The following WBP1L variants were observed in gnomAD, a reference collection of about 807,000 sequenced individuals.
WBP1L encodes the protein WW domain binding protein 1-like.
A neutral mutation model predicts 33.7 loss-of-function variants in WBP1L; 17 were observed. That is an observed-to-expected ratio of 0.50 (90% CI 0.34 to 0.76). The LOEUF is 0.76. Among genes scored for constraint, WBP1L ranks in the 30% least tolerant of loss-of-function variants. The pLI is 0.01. For synonymous variants in WBP1L, 173 were observed against 190.8 expected, an observed-to-expected ratio of 0.91 and a Z score of 0.77; for missense variants, 389 against 469.4, an observed-to-expected ratio of 0.83 and a Z score of 1.58.
At chr10:102,808,476 GAAGTA>G (rs1843773157) in intron 2 of WBP1L, among the ~76,000 whole-genome samples, 1 of 152,216 alleles carries the variant, frequency 6.6e-6, no homozygotes, top group Non-Finnish European at 1.5e-5. Flanking sequence ...AGCACAGAGG[GAAGTA>G]AAGAGCTGTG....
intron 3 of WBP1L, among the ~76,000 whole-genome samples, chr10:102,810,476 T>G (rs1236860158): frequency 2.1e-5 from 1 of 46,774 alleles, no homozygotes; most frequent in African/African-American, 6.5e-5. Context: ...CTTCCTTCCC[T>G]CCTTCCTTCC....
chr10:102,776,241 G>C (rs1843260157), intron 1 of WBP1L: 1 of 1,565,120 alleles, frequency 6.4e-7, no homozygotes, highest in African/African-American at 1.4e-5. Context: ...CTCGGTCCCA[G>C]GACTCTGTTT....
intron 1 of WBP1L, among the ~76,000 whole-genome samples, chr10:102,746,396 C>G (rs949098701): frequency 6.6e-6 from 1 of 152,066 alleles, no homozygotes; most frequent in African/African-American, 2.4e-5. Context: ...AGCAGTGGCC[C>G]TCTTCCTAAC....
At position 102,815,415 on chromosome 10, in the gene WBP1L, C is replaced by T. The variant is rs1471547674; in HGVS notation, c.*2084C>T. The T allele has an allele frequency of 6.6e-6, 1 of 152,646 alleles. No individual in the cohort carries two copies. Among genetic ancestry groups the T allele is most frequent in the Non-Finnish European group, 1.5e-5 (1 of 68,070 alleles). 9.5% of individuals were successfully genotyped at this position (152,646 alleles called of 1,614,324 possible). ...CAGCGCCCGGGGGTGTCCACAACCA[C>T]TTGGGACAGAAGAAGGTGGAATTTC... On this transcript the variant is annotated 3_prime_UTR_variant, in exon 4 of 4. Transcript: ENST00000448841.
At chr10:102,781,820 C>T (rs952541590) in intron 1 of WBP1L, among the ~76,000 whole-genome samples, 4 of 136,514 alleles carry the variant, frequency 2.9e-5, no homozygotes, top group Admixed American at 9.0e-5. Flanking sequence ...ACTGTCACCA[C>T]AGGTGAGAAA....
chr10:102,807,999 G>T (rs1489279585), intron 2 of WBP1L, among the ~76,000 whole-genome samples: 16 of 151,944 alleles, frequency 1.1e-4, no homozygotes, highest in Admixed American at 6.6e-5. Context: ...TTGAGCCCAG[G>T]GTTCAAGACC....
Position 102,813,798 on chromosome 10 carries a change from A to T in WBP1L, c.*467A>T, listed in dbSNP as rs1395212605. ...TGGCCCTGGATGAAGAAGGAAACCC[A>T]CAGAGGCCCAGGGCTTGTCATTGGG... On this transcript the variant is annotated 3_prime_UTR_variant, in exon 4 of 4. Coordinates refer to ENST00000448841, the MANE Select transcript of WBP1L (RefSeq NM_001083913.2). The T allele has an allele frequency of 6.2e-6, 1 of 160,652 alleles. No individual in the cohort carries two copies. The highest frequency in any genetic ancestry group is 1.4e-5 in the Non-Finnish European group (1 of 73,064). The allele number at this position is 160,652 out of a possible 1,614,324, so 10.0% of individuals were successfully genotyped here.
chr10:102,793,200 G>A (rs1843528335), intron 1 of WBP1L, among the ~76,000 whole-genome samples: 1 of 152,170 alleles, frequency 6.6e-6, no homozygotes, highest in African/African-American at 2.4e-5. Context: ...CAGCACTTTG[G>A]GAGGCCAAGA....
rs757702037 is a variant in WBP1L, at chr10:102,810,017, A to G, written c.318A>G (p.Arg106=). Residue 106 remains arginine, a synonymous_variant, in exon 3 of 4, where the codon CGA becomes CGG. Transcript: ENST00000448841. ...RQHEINLIAY[R]EAHNYSALPF... is the part of the protein sequence containing the mutation. The stretch of plus-strand genomic sequence containing the variant: ...ATGAAATCAACCTGATCGCTTACCG[A>G]GAAGCCCACAATTACTCAGCGCTGC... 6.2e-7 allele frequency: 1 copy of G among 1,613,832 alleles called. No homozygotes were observed. The highest frequency in any genetic ancestry group is 2.2e-5 in the East Asian group (1 of 44,886).
In WBP1L at chr10:102,812,590, T is replaced by C; in HGVS notation, c.356-5T>C. On this transcript the variant is annotated splice_region_variant and splice_polypyrimidine_tract_variant and intron_variant, in intron 3 of 3. Coordinates refer to ENST00000448841, the MANE Select transcript of WBP1L (RefSeq NM_001083913.2). Reference sequence around the variant, plus strand: ...TAATTTCTCCTTCCTACCTCCCCATTTTAGGGTTTTTGCCAAACTATTTAC... The same window carrying C: ...TAATTTCTCCTTCCTACCTCCCCATCTTAGGGTTTTTGCCAAACTATTTAC... The C allele has an allele frequency of 6.4e-7, 1 of 1,564,764 alleles. No individual in the cohort carries two copies. Among genetic ancestry groups the C allele is most frequent in the Non-Finnish European group, 8.7e-7 (1 of 1,152,144 alleles).
intron 1 of WBP1L, among the ~76,000 whole-genome samples, chr10:102,778,060 T>C (rs1437266296): frequency 6.6e-6 from 1 of 152,078 alleles, no homozygotes; most frequent in African/African-American, 2.4e-5. Context: ...TTCCCTGAGG[T>C]CTTGGGCAGG....
rs553464807 is a variant in WBP1L, at chr10:102,815,189, C to T, written c.*1858C>T. On this transcript the variant is annotated 3_prime_UTR_variant, in exon 4 of 4. Transcript: ENST00000448841. Reference sequence around the variant, plus strand: ...CCGAACAAATGTCTGACTGTGTACTCGGGTGTACTCCGCAGCATTGTCGAC... The same window carrying T: ...CCGAACAAATGTCTGACTGTGTACTTGGGTGTACTCCGCAGCATTGTCGAC... 6.6e-6 allele frequency: 1 copy of T among 152,588 alleles called. No individual in the cohort carries two copies. Among genetic ancestry groups the T allele is most frequent in the South Asian group, 2.1e-4 (1 of 4,832 alleles). The allele number at this position is 152,588 out of a possible 1,614,324, so 9.5% of individuals were successfully genotyped here.
At position 102,776,255 on chromosome 10, in the gene WBP1L, TTGTC is replaced by T; in HGVS notation, c.91-21735_91-21732del. 1.6e-5 allele frequency: 26 copies of T among 1,588,928 alleles called. 1 individual carries two copies. The South Asian group carries it at 2.7e-4, about 17-fold the overall frequency. ...GCTCGGTCCCAGGACTCTGTTTACT[TTGTC>T]TGCTTTGCTAAAGAAGGCCGGTGAA... On this transcript the variant is annotated intron_variant, in intron 1 of 3. Transcript: ENST00000448841.
chr10:102,754,949 C>A (rs1444039248), intron 1 of WBP1L, among the ~76,000 whole-genome samples: 1 of 151,186 alleles, frequency 6.6e-6, no homozygotes, highest in Non-Finnish European at 1.5e-5. Flanking sequence ...CTTTAAAATA[C>A]CTTTCACCTT....
At chr10:102,768,069 T>TTTTAG (rs1240648020) in intron 1 of WBP1L, among the ~76,000 whole-genome samples, 1 of 152,166 alleles carries the variant, frequency 6.6e-6, no homozygotes, top group Non-Finnish European at 1.5e-5. Context: ...CTTTGGGGTT[T>TTTTAG]TTTAGTTTGT....
At chr10:102,812,478 C>A in intron 3 of WBP1L, 117 bp from the exon 4 acceptor site, 2 of 1,234,948 alleles carry the variant, frequency 1.6e-6, no homozygotes, top group Non-Finnish European at 2.2e-6. Context: ...CTGTAGCCAT[C>A]ACTTGTTGGG....
At position 102,744,115 on chromosome 10, in the gene WBP1L, C is replaced by G. The variant is rs545643421; in HGVS notation, c.62C>G (p.Pro21Arg). The G allele has an allele frequency of 9.7e-6, 15 of 1,552,888 alleles. No homozygotes were observed. Among genetic ancestry groups the G allele is most frequent in the Non-Finnish European group, 1.3e-5 (15 of 1,148,132 alleles). Residue 21 changes from proline (P) to arginine (R), a missense_variant, in exon 1 of 4, where the codon CCC becomes CGC. By Grantham distance (103) the Pro-to-Arg change is moderately radical. Transcript: ENST00000448841. ...CTGCTCCTCCAGGCGCTGCCCAGCC[C>G]CTTGTCAGCCAGGGCTGAACCCCCG... is the stretch of plus-strand genomic sequence containing the variant. Reference protein sequence around the residue: ...ALLLLQALPSPLSARAEPPQD... With the variant: ...ALLLLQALPSRLSARAEPPQD...
In WBP1L at chr10:102,759,073, T is replaced by C. The variant is rs919827157; in HGVS notation, c.90+14930T>C. Among the ~76,000 whole-genome samples, 11 of 152,324 alleles carry C rather than the reference T, an allele frequency of 7.2e-5. No homozygotes were observed. In the South Asian group the frequency reaches 2.3e-3, roughly 32 times the overall value. Reference sequence around the variant, plus strand: ...GGAGGGGTTTAGGACTCCGGATGACTGTGGGCAGGCCTGGATAATATCCAG... The same window carrying C: ...GGAGGGGTTTAGGACTCCGGATGACCGTGGGCAGGCCTGGATAATATCCAG... On this transcript the variant is annotated intron_variant, in intron 1 of 3. Coordinates refer to ENST00000448841, the MANE Select transcript of WBP1L (RefSeq NM_001083913.2).
At chr10:102,803,404 G>A (rs1372886186) in intron 2 of WBP1L, among the ~76,000 whole-genome samples, 2 of 152,140 alleles carry the variant, frequency 1.3e-5, no homozygotes, top group African/African-American at 4.8e-5. Flanking sequence ...TAGTCATGGG[G>A]CACATGACTC....
Sources: allele counts gnomAD v4.1 joint callset (sites outside exome capture counted in the v4.1 genomes callset), GRCh38; gene constraint gnomAD v4.1.1; transcripts MANE v1.5; gene names NCBI Gene and HGNC (gene_info 2026-07-23, HGNC 2026-07-21).